The following BICD1 variants were observed in gnomAD, a reference collection of about 807,000 sequenced individuals.
BICD1 encodes the protein protein bicaudal D homolog 1.
Under a neutral mutation model 92.5 loss-of-function variants are expected in BICD1, and 35 were observed. That is an observed-to-expected ratio of 0.38 (90% CI 0.29 to 0.50). The LOEUF (loss-of-function observed/expected upper bound fraction) is 0.50, where lower values mean the gene tolerates loss of function less well. BICD1 is among the 20% of genes least tolerant of loss of function. BICD1 has a pLI of 0.93. For missense variants in BICD1, 950 were observed against 1,189.8 expected (o/e 0.80, Z 2.97); for synonymous variants, 429 against 465.1 (o/e 0.92, Z 1.00).
At chr12:32,315,861 C>T (rs962581936) in intron 4 of BICD1, among the ~76,000 whole-genome samples, 3 of 151,924 alleles carry the variant, frequency 2.0e-5, no homozygotes, top group East Asian at 1.9e-4. Context: ...TGGGGCTGGG[C>T]GTGGTGGCTC....
intron 4 of BICD1, among the ~76,000 whole-genome samples, chr12:32,321,947 C>T (rs891590011): frequency 2.6e-5 from 4 of 151,734 alleles, no homozygotes; most frequent in East Asian, 1.9e-4. Flanking sequence ...TGCAGTGAGC[C>T]GAGATCACAC....
chr12:32,193,997 A>G (rs560006595), intron 1 of BICD1, among the ~76,000 whole-genome samples: 3 of 152,316 alleles, frequency 2.0e-5, no homozygotes, highest in East Asian at 3.9e-4. Context: ...AAAACATCAT[A>G]CACCATAATC....
intron 8 of BICD1, chr12:32,340,451 A>G (rs1016951547): frequency 1.0e-6 from 1 of 985,444 alleles, no homozygotes; most frequent in Non-Finnish European, 1.2e-6. Context: ...GATAAAACCC[A>G]CAAGTCTTCT....
At chr12:32,275,403 C>T (rs776462491) in intron 2 of BICD1, among the ~76,000 whole-genome samples, 16 of 152,044 alleles carry the variant, frequency 1.1e-4, no homozygotes, top group Non-Finnish European at 2.1e-4. Flanking sequence ...TTTTTTTAGT[C>T]ACCGTCTATA....
intron 2 of BICD1, among the ~76,000 whole-genome samples, chr12:32,271,384 A>C (rs1166370661): frequency 6.6e-6 from 1 of 152,236 alleles, no homozygotes; most frequent in Non-Finnish European, 1.5e-5. Context: ...GCCCTGAAGA[A>C]GGTTGACTGG....
At chr12:32,358,027 T>G (rs149946889) in intron 8 of BICD1, among the ~76,000 whole-genome samples, 1 of 152,178 alleles carries the variant, frequency 6.6e-6, no homozygotes, top group East Asian at 1.9e-4. Flanking sequence ...CCTAAGAAAA[T>G]CACTTAACCC....
Position 32,212,147 on chromosome 12 carries a change from T to G in BICD1, c.214-4100T>G, listed in dbSNP as rs554845007. Among the ~76,000 whole-genome samples the G allele has an allele frequency of 5.9e-5, 9 of 152,372 alleles. 1 individual carries two copies. The highest frequency in any genetic ancestry group is 2.2e-4 in the African/African-American group (9 of 41,596). Reference sequence around the variant, plus strand: ...CTCACTGATGCTTAGGGACCATCTTTTGATTTTGATCCGTGTCAAGATTCT... The same window carrying G: ...CTCACTGATGCTTAGGGACCATCTTGTGATTTTGATCCGTGTCAAGATTCT... On this transcript the variant is annotated intron_variant, in intron 1 of 9. Coordinates refer to ENST00000652176, the MANE Select transcript of BICD1 (RefSeq NM_001714.4).
chr12:32,368,794 A>G (rs1277791107), intron 9 of BICD1, among the ~76,000 whole-genome samples: 2 of 152,212 alleles, frequency 1.3e-5, no homozygotes, highest in Non-Finnish European at 2.9e-5. Flanking sequence ...TCATGCTGGT[A>G]ATCTCAGCAC....
At chr12:32,191,483 G>A (rs556909847) in intron 1 of BICD1, among the ~76,000 whole-genome samples, 60 of 150,970 alleles carry the variant, frequency 4.0e-4, no homozygotes, top group Admixed American at 2.4e-3. Flanking sequence ...TGTTGGCAAC[G>A]TTTTTCCCGC....
chr12:32,266,600 G>C (rs1366173868), intron 2 of BICD1, among the ~76,000 whole-genome samples: 1 of 152,054 alleles, frequency 6.6e-6, no homozygotes, highest in Admixed American at 6.5e-5. Flanking sequence ...AATTTAGAAT[G>C]AGCCCCAGCA....
At chr12:32,170,163 C>T (rs1450256444) in intron 1 of BICD1, among the ~76,000 whole-genome samples, 2 of 152,160 alleles carry the variant, frequency 1.3e-5, no homozygotes, top group Non-Finnish European at 2.9e-5. Context: ...TCTTAGGCAT[C>T]CTGAAATTCT....
chr12:32,230,624 G>T (rs1945855965), intron 2 of BICD1, among the ~76,000 whole-genome samples: 1 of 152,128 alleles, frequency 6.6e-6, no homozygotes, highest in Non-Finnish European at 1.5e-5. Flanking sequence ...GATAGAATCT[G>T]ATGACATGAG....
At chr12:32,257,136 C>T (rs541642947) in intron 2 of BICD1, among the ~76,000 whole-genome samples, 4 of 139,176 alleles carry the variant, frequency 2.9e-5, no homozygotes, top group African/African-American at 5.6e-5. Flanking sequence ...TTGCCTGAAC[C>T]GGGGAGGCGG....
intron 3 of BICD1, among the ~76,000 whole-genome samples, chr12:32,300,895 C>T (rs1948026430): frequency 6.6e-6 from 1 of 151,962 alleles, no homozygotes; most frequent in Non-Finnish European, 1.5e-5. Flanking sequence ...TCATGATCCA[C>T]CCACCCCAGC....
intron 2 of BICD1, among the ~76,000 whole-genome samples, chr12:32,236,707 T>C (rs1439238480): frequency 3.3e-5 from 5 of 152,090 alleles, no homozygotes; most frequent in African/African-American, 1.2e-4. Context: ...AGCCAAACTG[T>C]GAATGCAAAG....
chr12:32,361,665 G>A (rs755409065), intron 8 of BICD1, among the ~76,000 whole-genome samples: 3 of 152,176 alleles, frequency 2.0e-5, no homozygotes, highest in African/African-American at 7.2e-5. Flanking sequence ...TGGAGCATCC[G>A]GAGGTTGTTT....
At chr12:32,239,507 A>T (rs1246737127) in intron 2 of BICD1, among the ~76,000 whole-genome samples, 1 of 146,860 alleles carries the variant, frequency 6.8e-6, no homozygotes. Context: ...CAGAGGTTGC[A>T]GTGAGCCGAG....
intron 1 of BICD1, among the ~76,000 whole-genome samples, chr12:32,158,500 A>G: frequency 6.6e-6 from 1 of 152,236 alleles, no homozygotes; most frequent in Non-Finnish European, 1.5e-5. Flanking sequence ...AAAAAAAATT[A>G]AGTGAGTTAA....
At chr12:32,323,425 C>T (rs1948703791) in intron 4 of BICD1, among the ~76,000 whole-genome samples, 1 of 152,162 alleles carries the variant, frequency 6.6e-6, no homozygotes, top group South Asian at 2.1e-4. Context: ...ATCAAAATTC[C>T]CTATGAGGCG....
Sources: allele counts gnomAD v4.1 joint callset (sites outside exome capture counted in the v4.1 genomes callset), GRCh38; gene constraint gnomAD v4.1.1; transcripts MANE v1.5; gene names NCBI Gene and HGNC (gene_info 2026-07-23, HGNC 2026-07-21).